Variants in ZNF69 observed in about 807,000 individuals in gnomAD.
The protein encoded by ZNF69 is ZNF3.
ZNF69 carries 47 observed loss-of-function variants against 50.9 expected under a neutral mutation model. That is an observed-to-expected ratio of 0.92 (90% CI 0.73 to 1.18). The LOEUF is 1.18. Ranked by LOEUF, ZNF69 falls within the 50% of genes most tolerant of loss-of-function variation. ZNF69 has a pLI of 0.00. For missense variants in ZNF69, 717 were observed against 675.1 expected, an observed-to-expected ratio of 1.06 and a Z score of -0.69; for synonymous variants, 216 against 223.1, an observed-to-expected ratio of 0.97 and a Z score of 0.29.
intron 1 of ZNF69, among the ~76,000 whole-genome samples, chr19:11,902,544 C>T (rs1972269495): frequency 6.6e-6 from 1 of 151,724 alleles, no homozygotes; most frequent in Admixed American, 6.6e-5. Flanking sequence ...TATCTAGCTA[C>T]ATTCTGACAG....
At chr19:11,963,621 T>G in the ZNF69 span, among the ~76,000 whole-genome samples, 1 of 152,038 alleles carries the variant, frequency 6.6e-6, no homozygotes, top group Non-Finnish European at 1.5e-5. Flanking sequence ...GAATCCAAGT[T>G]TTCACGTCCC....
downstream of ZNF69, among the ~76,000 whole-genome samples, chr19:11,917,061 G>A (rs960802228): frequency 1.3e-5 from 2 of 152,204 alleles, no homozygotes; most frequent in Non-Finnish European, 2.9e-5. Context: ...CAGGACCCAG[G>A]TCTAGATGCA....
the ZNF69 span, chr19:11,980,205 C>T: frequency 4.3e-6 from 2 of 461,064 alleles, no homozygotes; most frequent in Non-Finnish European, 7.7e-6. Flanking sequence ...TATGATGAAA[C>T]CCCTGTCTCT....
At chr19:11,921,958 G>T in the ZNF69 span, among the ~76,000 whole-genome samples, 4 of 152,050 alleles carry the variant, frequency 2.6e-5, no homozygotes, top group African/African-American at 7.2e-5. Context: ...AAAAGCTAAG[G>T]CCCAGAGTGT....
At chr19:11,908,060 A>G (rs1283664878), downstream of ZNF69, among the ~76,000 whole-genome samples, 5 of 152,236 alleles carry the variant, frequency 3.3e-5, no homozygotes, top group Non-Finnish European at 7.3e-5. Flanking sequence ...AAACCAACAA[A>G]GATCAAAAGA....
intron 1 of ZNF69, among the ~76,000 whole-genome samples, chr19:11,894,446 CAG>C (rs1977174665): frequency 6.6e-6 from 1 of 152,196 alleles, no homozygotes; most frequent in South Asian, 2.1e-4. Context: ...GGCCTAAAAA[CAG>C]AGATCTTATC....
chr19:11,947,002 A>G, the ZNF69 span: 1 of 1,135,030 alleles, frequency 8.8e-7, no homozygotes, highest in African/African-American at 1.6e-5. Context: ...AAATAAATAA[A>G]TAAATAAATT....
intron 1 of ZNF69, 140 bp downstream of exon 1, chr19:11,888,126 G>C: frequency 1.4e-6 from 1 of 693,170 alleles, no homozygotes; most frequent in Non-Finnish European, 2.4e-6. Context: ...CTCGGCCCTC[G>C]GTCCCCTCGA....
chr19:11,954,814 C>T, the ZNF69 span, among the ~76,000 whole-genome samples: 3 of 151,754 alleles, frequency 2.0e-5, no homozygotes, highest in African/African-American at 7.3e-5. Flanking sequence ...GAGTGAGGGC[C>T]TTTGTTAAAA....
the ZNF69 span, chr19:11,940,091 C>T: frequency 1.3e-5 from 2 of 152,124 alleles, no homozygotes; most frequent in African/African-American, 4.8e-5. Flanking sequence ...GCCACCACAC[C>T]TGGCTAATTT....
chr19:11,925,145 G>A, the ZNF69 span: 4 of 1,587,536 alleles, frequency 2.5e-6, no homozygotes, highest in Non-Finnish European at 3.4e-6. Context: ...GTTGGTAACC[G>A]GTCAGACCAG....
In ZNF69 at chr19:11,897,547, C is replaced by T. The variant is rs1041126672; in HGVS notation, c.64-6026C>T. Among the ~76,000 whole-genome samples, 20 of 150,308 alleles carry T rather than the reference C, an allele frequency of 1.3e-4. No individual in the cohort carries two copies. The South Asian group carries it at 4.2e-3, about 32-fold the overall frequency. On this transcript the variant is annotated intron_variant, in intron 1 of 3. Transcript: ENST00000429654. ...CTATGATTGCACCGCTACACTCCAGCCTGGGCAACAGAATGAGACCCTGTT... is the reference window on the plus strand; with the variant it reads ...CTATGATTGCACCGCTACACTCCAGTCTGGGCAACAGAATGAGACCCTGTT...
the ZNF69 span, among the ~76,000 whole-genome samples, chr19:11,961,916 C>A: frequency 7.4e-6 from 1 of 134,604 alleles, no homozygotes; most frequent in Non-Finnish European, 1.6e-5. Context: ...CACGCTTGGC[C>A]TCTTTTACAC....
rs149199681 is a variant in ZNF69, at chr19:11,903,429, G to A, written c.64-144G>A. On this transcript the variant is annotated intron_variant, in intron 1 of 3. Coordinates refer to ENST00000429654, the MANE Select transcript of ZNF69 (RefSeq NM_001364730.1). The stretch of plus-strand genomic sequence containing the variant: ...GTCTCAAAAAAAAGAATTGCTTTAT[G>A]GAAGAAAGTAAGTATACACAGGGAG... 1,566 of 1,395,402 alleles carry A rather than the reference G, an allele frequency of 1.1e-3. 18 individuals are homozygous for A. The African/African-American group carries it at 0.02, about 18-fold the overall frequency. The allele number at this position is 1,395,402 out of a possible 1,614,324, so 86.4% of individuals were successfully genotyped here. A position where few individuals can be genotyped will look rare whatever the true frequency, so the allele number is the denominator to read the frequency against.
chr19:11,944,972 A>G, the ZNF69 span, among the ~76,000 whole-genome samples: 1 of 152,192 alleles, frequency 6.6e-6, no homozygotes, highest in Non-Finnish European at 1.5e-5. Context: ...TCCTTCTTCC[A>G]TCACCTGTCC....
chr19:11,951,525 G>A, the ZNF69 span, among the ~76,000 whole-genome samples: 32 of 151,890 alleles, frequency 2.1e-4, no homozygotes, highest in African/African-American at 7.2e-4. Context: ...CACTGGGCCC[G>A]GCCTCAACCC....
the ZNF69 span, chr19:11,950,340 C>T: frequency 7.2e-7 from 1 of 1,385,098 alleles, no homozygotes; most frequent in Admixed American, 2.1e-5. Flanking sequence ...TCACATTTTC[C>T]AGTTCTTTTC....
chr19:11,904,879 C>T lies in ZNF69; in HGVS notation c.482C>T (p.Pro161Leu), dbSNP rs147439765. The T allele has an allele frequency of 3.2e-3, 5,229 of 1,614,080 alleles. 25 individuals are homozygous for T. The highest frequency in any genetic ancestry group is 6.2e-3 in the South Asian group (562 of 91,086). The change falls in exon 4 of 4, where the codon CCG (proline) becomes CTG (leucine). Residue 161 changes from proline (P) to leucine (L), a missense_variant. Physicochemically the swap from Pro to Leu is moderately conservative, Grantham distance 98. Coordinates refer to ENST00000429654, the MANE Select transcript of ZNF69 (RefSeq NM_001364730.1). ...HKAYEYQEYG[P>L]KPCKCQQPKK... ...GCCTATGAGTATCAGGAATATGGAC[C>T]GAAGCCATGTAAGTGTCAACAACCT...
At chr19:11,933,777 G>A in the ZNF69 span, among the ~76,000 whole-genome samples, 3 of 145,662 alleles carry the variant, frequency 2.1e-5, no homozygotes, top group Admixed American at 6.7e-5. Context: ...CCCAGGAGGC[G>A]GAGCTTGCAG....
Sources: allele counts gnomAD v4.1 joint callset (sites outside exome capture counted in the v4.1 genomes callset), GRCh38; gene constraint gnomAD v4.1.1; transcripts MANE v1.5; gene names NCBI Gene and HGNC (gene_info 2026-07-23, HGNC 2026-07-21).